ATXN10: variants seen among roughly 807,000 people sequenced by gnomAD.
ATXN10 encodes ataxin 10.
In ATXN10, 28 loss-of-function variants were observed where a neutral mutation model predicts 52.9. The ratio of observed to expected loss-of-function variants is 0.53; its 90% confidence interval spans 0.39 to 0.73. The LOEUF (loss-of-function observed/expected upper bound fraction) is 0.73. Ranked by LOEUF, ATXN10 falls within the 30% of genes least tolerant of loss-of-function variation. The pLI, the probability that ATXN10 is intolerant of heterozygous loss-of-function variation, is 0.00. For synonymous variants in ATXN10, 226 were observed against 221.5 expected (o/e 1.02, Z -0.18); for missense variants, 565 against 577.0 (o/e 0.98, Z 0.21).
In ATXN10 at chr22:45,690,106, CTACAAAAAAAA is replaced by C. The variant is rs1569024063; in HGVS notation, c.308+213_308+223del. On this transcript the variant is annotated intron_variant, in intron 2 of 11. Coordinates refer to ENST00000252934, the MANE Select transcript of ATXN10 (RefSeq NM_013236.4). The surrounding 1 kb of genome is among the most constrained non-coding windows in gnomAD (Gnocchi z 4.5). ...TGGGCAACATGGTGAGACCCTGTCT[CTACAAAAAAAA>C]TACAAAAAATTAGCTGGACATGGTG... Among the ~76,000 whole-genome samples the C allele has an allele frequency of 6.6e-6, 1 of 151,836 alleles. No individual in the cohort carries two copies. Among genetic ancestry groups the C allele is most frequent in the African/African-American group, 2.4e-5 (1 of 41,306 alleles).
At position 45,833,564 on chromosome 22, in the gene ATXN10, G is replaced by A. The variant is rs933126220; in HGVS notation, c.1238-9427G>A. ...CGAACACTAATGTCTTATAACTTAG[G>A]TGGGTTTACTTTTTCTGCTCCAAAT... On this transcript the variant is annotated intron_variant, in intron 10 of 11. Coordinates refer to ENST00000252934, the MANE Select transcript of ATXN10 (RefSeq NM_013236.4). This position sits in a 1 kb window ranked among gnomAD's most constrained non-coding sequence, Gnocchi z 4.3. Among the ~76,000 whole-genome samples the A allele has an allele frequency of 1.2e-4, 19 of 152,166 alleles. No homozygotes were observed. Among genetic ancestry groups the A allele is most frequent in the African/African-American group, 4.1e-4 (17 of 41,454 alleles).
intron 9 of ATXN10, among the ~76,000 whole-genome samples, chr22:45,746,296 C>T (rs188674321): frequency 1.5e-4 from 23 of 149,950 alleles, no homozygotes; most frequent in Admixed American, 1.4e-3. Context: ...GAGCCAAGAA[C>T]AGGCAAATTA....
rs2019516554 is a variant in ATXN10, at chr22:45,780,910, G to T, written c.1174-26049G>T. On this transcript the variant is annotated intron_variant, in intron 9 of 11. Transcript: ENST00000252934. The surrounding 1 kb of genome is among the most constrained non-coding windows in gnomAD (Gnocchi z 4.0). Reference sequence around the variant, plus strand: ...ACACGTGACAGGTGGGGAGAAGACGGCATACTAGCAAGGGGCCTTGAGACT... The same window carrying T: ...ACACGTGACAGGTGGGGAGAAGACGTCATACTAGCAAGGGGCCTTGAGACT... Among the ~76,000 whole-genome samples the T allele has an allele frequency of 6.6e-6, 1 of 152,088 alleles. No homozygotes were observed.
chr22:45,782,923 C>T (rs1342832216), intron 9 of ATXN10, among the ~76,000 whole-genome samples: 1 of 152,106 alleles, frequency 6.6e-6, no homozygotes, highest in African/African-American at 2.4e-5. Flanking sequence ...AAATTAGGCA[C>T]AGTAAGAGAT....
At chr22:45,803,901 C>G (rs1040972492) in intron 9 of ATXN10, among the ~76,000 whole-genome samples, 1 of 152,040 alleles carries the variant, frequency 6.6e-6, no homozygotes, top group Non-Finnish European at 1.5e-5. Context: ...CACATGATCC[C>G]CCCTCCAAGA....
At chr22:45,746,779 C>T (rs559993362) in intron 9 of ATXN10, among the ~76,000 whole-genome samples, 1 of 152,290 alleles carries the variant, frequency 6.6e-6, no homozygotes, top group East Asian at 1.9e-4. Context: ...TACTCTTCTG[C>T]CCTCTGCTCA....
intron 7 of ATXN10, among the ~76,000 whole-genome samples, chr22:45,737,091 G>A (rs958872602): frequency 2.5e-4 from 38 of 152,222 alleles, no homozygotes; most frequent in African/African-American, 8.9e-4. Flanking sequence ...CCAGTGAGTT[G>A]GTTTGTTTTG....
At chr22:45,815,145 C>T (rs1437439268) in intron 10 of ATXN10, among the ~76,000 whole-genome samples, 2 of 152,172 alleles carry the variant, frequency 1.3e-5, no homozygotes, top group African/African-American at 4.8e-5. Context: ...TCATGGAATA[C>T]CATACGGCAG....
At chr22:45,676,256 G>A (rs1922684925) in intron 1 of ATXN10, 1 of 151,928 alleles carries the variant, frequency 6.6e-6, no homozygotes, top group South Asian at 2.1e-4. Flanking sequence ...GCCTCCCAAA[G>A]TGTTGGGATT....
chr22:45,803,932 A>G (rs1305970750), intron 9 of ATXN10, among the ~76,000 whole-genome samples: 1 of 152,138 alleles, frequency 6.6e-6, no homozygotes. Context: ...ATAGTGGTCG[A>G]ACCCTCCATG....
rs1783758019 is a variant in ATXN10, at chr22:45,704,882, C to CTGT, written c.647+2038_647+2040dup. ...CTTAGTGGGGCAGTCTTTCAGTGTGCTGTTGCCTGTGGGGTTTTCTAAGAA... is the reference window on the plus strand; with the variant it reads ...CTTAGTGGGGCAGTCTTTCAGTGTGCTGTTGTTGCCTGTGGGGTTTTCTAAGAA... On this transcript the variant is annotated intron_variant, in intron 5 of 11. Transcript: ENST00000252934. Among the ~76,000 whole-genome samples, 4 of 152,288 alleles carry CTGT rather than the reference C, an allele frequency of 2.6e-5. No individual in the cohort carries two copies. The South Asian group carries it at 8.3e-4, about 32-fold the overall frequency.
chr22:45,692,448 A>C (rs183640204), intron 2 of ATXN10, among the ~76,000 whole-genome samples: 174 of 152,316 alleles, frequency 1.1e-3, no homozygotes, highest in African/African-American at 3.8e-3. Context: ...TTTTAAAGGA[A>C]AATTTCAACC....
chr22:45,803,262 A>G (rs546980237), intron 9 of ATXN10, among the ~76,000 whole-genome samples: 7 of 152,086 alleles, frequency 4.6e-5, no homozygotes, highest in Admixed American at 6.6e-5. Flanking sequence ...CACAGTGGCC[A>G]CTCTTAATCC....
intron 9 of ATXN10, among the ~76,000 whole-genome samples, chr22:45,743,194 G>C (rs1296994496): frequency 6.6e-6 from 1 of 152,194 alleles, no homozygotes; most frequent in Non-Finnish European, 1.5e-5. Context: ...AAACAGTTTA[G>C]AGGGTATGAA....
chr22:45,729,707 T>A, intron 7 of ATXN10, 117 bp downstream of exon 7: 1 of 1,114,686 alleles, frequency 9.0e-7, no homozygotes, highest in Non-Finnish European at 1.3e-6. Context: ...ATGTAAGTAA[T>A]GTATCCATAT....
chr22:45,818,471 G>T lies in ATXN10; in HGVS notation c.1237+11449G>T, dbSNP rs713978. ...TTACCTGTGTTAAAAGCAAGACTCT[G>T]CATGCTTATTCTCACATCAGTCAGA... On this transcript the variant is annotated intron_variant, in intron 10 of 11. Transcript: ENST00000252934. The surrounding 1 kb of genome is among the most constrained non-coding windows in gnomAD (Gnocchi z 4.6). Among the ~76,000 whole-genome samples, 132,807 of 152,088 alleles carry T rather than the reference G, an allele frequency of 0.87. 58,293 individuals carry two copies. The highest frequency in any genetic ancestry group is 0.96 in the African/African-American group (40,043 of 41,524).
intron 9 of ATXN10, among the ~76,000 whole-genome samples, chr22:45,782,362 C>T (rs972860444): frequency 3.9e-5 from 6 of 152,162 alleles, no homozygotes; most frequent in African/African-American, 1.2e-4. Flanking sequence ...TGAACACAAA[C>T]GTTCATGGCA....
In ATXN10 at chr22:45,783,659, T is replaced by C. The variant is rs1927226919; in HGVS notation, c.1174-23300T>C. ...CCTTATCCCCACCCACATCCTGACA[T>C]TGGTAAGAGCAGTACCTGTTTCTGA... On this transcript the variant is annotated intron_variant, in intron 9 of 11. Coordinates refer to ENST00000252934, the MANE Select transcript of ATXN10 (RefSeq NM_013236.4). This position sits in a 1 kb window ranked among gnomAD's most constrained non-coding sequence, Gnocchi z 5.0. Among the ~76,000 whole-genome samples, 1 of 152,170 alleles carries C rather than the reference T, an allele frequency of 6.6e-6. No individual in the cohort carries two copies. The highest frequency in any genetic ancestry group is 6.5e-5 in the Admixed American group (1 of 15,282).
intron 9 of ATXN10, among the ~76,000 whole-genome samples, chr22:45,753,901 G>C (rs998468999): frequency 2.6e-5 from 4 of 152,150 alleles, no homozygotes; most frequent in African/African-American, 9.7e-5. Context: ...TCCCATCCTA[G>C]ACTAGAGTTT....
Sources: allele counts gnomAD v4.1 joint callset (sites outside exome capture counted in the v4.1 genomes callset), GRCh38; gene constraint gnomAD v4.1.1; non-coding constraint Gnocchi (gnomAD v3.1); transcripts MANE v1.5; gene names NCBI Gene and HGNC (gene_info 2026-07-23, HGNC 2026-07-21).